GRHL2: variants seen among roughly 807,000 people sequenced by gnomAD.
The protein encoded by GRHL2 is grainyhead like transcription factor 2, also known as grainyhead-like protein 2 homolog.
A neutral mutation model predicts 83.8 loss-of-function variants in GRHL2; 21 were observed. The observed-to-expected ratio is 0.25, with a 90% CI of 0.18 to 0.36. The LOEUF is 0.36. Among genes scored for constraint, GRHL2 ranks in the 10% least tolerant of loss-of-function variants. The pLI is 1.00. For synonymous variants in GRHL2, 280 were observed against 278.9 expected (o/e 1.00, Z -0.04); for missense variants, 623 against 781.8 (o/e 0.80, Z 2.42).
chr8:101,537,554 T>C (rs949269467), intron 1 of GRHL2, among the ~76,000 whole-genome samples: 4 of 152,214 alleles, frequency 2.6e-5, no homozygotes, highest in African/African-American at 9.6e-5. Flanking sequence ...ACTACTACTA[T>C]CTAACTATTA....
At chr8:101,560,040 G>A (rs1265366171) in intron 4 of GRHL2, among the ~76,000 whole-genome samples, 1 of 152,074 alleles carries the variant, frequency 6.6e-6, no homozygotes, top group Non-Finnish European at 1.5e-5. Context: ...GAGTCTCACT[G>A]TGTGGCCCAG....
intron 1 of GRHL2, among the ~76,000 whole-genome samples, chr8:101,526,286 C>T (rs1257640908): frequency 6.6e-6 from 1 of 152,178 alleles, no homozygotes; most frequent in Non-Finnish European, 1.5e-5. Context: ...TTCTCTGTTA[C>T]ATTAAAATCT....
intron 2 of GRHL2, among the ~76,000 whole-genome samples, chr8:101,549,052 T>C (rs1811324233): frequency 6.6e-6 from 1 of 151,062 alleles, no homozygotes; most frequent in Non-Finnish European, 1.5e-5. Context: ...AAGGTAGGCA[T>C]AGAGACTGCC....
At chr8:101,498,938 G>C (rs763572013) in intron 1 of GRHL2, among the ~76,000 whole-genome samples, 24 of 152,112 alleles carry the variant, frequency 1.6e-4, no homozygotes, top group Non-Finnish European at 3.2e-4. Flanking sequence ...AGCCAGGCAT[G>C]GTGGCGGGCA....
chr8:101,637,144 C>G (rs149416825), intron 12 of GRHL2, among the ~76,000 whole-genome samples: 1 of 152,084 alleles, frequency 6.6e-6, no homozygotes, highest in Non-Finnish European at 1.5e-5. Flanking sequence ...TTTCCCCACC[C>G]GCTTCCTCCC....
intron 8 of GRHL2, among the ~76,000 whole-genome samples, chr8:101,600,501 G>A (rs1023680504): frequency 3.3e-5 from 5 of 152,170 alleles, no homozygotes; most frequent in African/African-American, 4.8e-5. Context: ...TCCCTGCCTA[G>A]TGCCTCCTTA....
In GRHL2 at chr8:101,616,709, C is replaced by A. The variant is rs982850642; in HGVS notation, c.1099-2830C>A. On this transcript the variant is annotated intron_variant, in intron 8 of 15. Coordinates refer to ENST00000646743, the MANE Select transcript of GRHL2 (RefSeq NM_024915.4). ...TGTACACACAACACAGAGGACCACC[C>A]TGTGTTGGTCACTGCTGGATCACTC... is the stretch of plus-strand genomic sequence containing the variant. 2.0e-5 allele frequency among the ~76,000 whole-genome samples: 3 copies of A among 152,278 alleles called. No individual in the cohort carries two copies. The East Asian group carries it at 5.8e-4, about 29-fold the overall frequency.
At position 101,666,608 on chromosome 8, in the gene GRHL2, G is replaced by A. The variant is rs769149147; in HGVS notation, c.1783G>A (p.Asp595Asn). Residue 595 changes from aspartate (D) to asparagine (N), a missense_variant, in exon 16 of 16, where the codon GAC becomes AAC. Asp to Asn is a conservative substitution (Grantham distance 23). Transcript: ENST00000646743. ...SKKGILVNMD[D>N]NIIEHYSNED... ...TGGCAGCATCTTGGTGAACATGGAT[G>A]ACAACATCATCGAGCACTACTCGAA... 3.7e-6 allele frequency: 6 copies of A among 1,610,934 alleles called. No individual in the cohort carries two copies. The African/African-American group carries it at 8.0e-5, about 22-fold the overall frequency.
chr8:101,592,734 C>T (rs897714442), intron 7 of GRHL2, among the ~76,000 whole-genome samples: 1 of 152,184 alleles, frequency 6.6e-6, no homozygotes, highest in Non-Finnish European at 1.5e-5. Flanking sequence ...AATTTGGAAA[C>T]ACTTGTTCTG....
At chr8:101,619,466 G>T in intron 8 of GRHL2, 73 bp from the exon 9 acceptor site, 3 of 1,389,600 alleles carry the variant, frequency 2.2e-6, no homozygotes, top group Non-Finnish European at 2.0e-6. Context: ...TTGACTTAAA[G>T]TCTAAAGTTT....
At chr8:101,505,543 C>T (rs2129985334) in intron 1 of GRHL2, among the ~76,000 whole-genome samples, 1 of 141,452 alleles carries the variant, frequency 7.1e-6, no homozygotes, top group Middle Eastern at 4.0e-3. Flanking sequence ...CACCACTGTA[C>T]TCCAGCCTGG....
rs1238320008 is a variant in GRHL2 at position 101,552,771 on chromosome 8, C to G, written c.273C>G (p.Asp91Glu). 14 of 1,613,888 alleles carry G rather than the reference C, an allele frequency of 8.7e-6. No individual in the cohort carries two copies. In the East Asian group the frequency reaches 2.9e-4, roughly 33 times the overall value. Residue 91 changes from aspartate (D) to glutamate (E), a missense_variant, in exon 3 of 16, where the codon GAC becomes GAG. By Grantham distance (45) the Asp-to-Glu change is conservative. This residue lies in a region of GRHL2 where 239 missense variants were observed against 240.5 expected (regional missense o/e 0.99). Transcript: ENST00000646743. The stretch of plus-strand genomic sequence containing the variant: ...GCAAAGCAAGTGACAGCCAAGAAGA[C>G]CAGGAGAAAAGGTAAAGGAATTTGC... ...SVSKASDSQEDQEKRNCLGTS... is the reference protein window; with the variant it reads ...SVSKASDSQEEQEKRNCLGTS...
chr8:101,562,282 C>T, intron 4 of GRHL2: 1 of 608,968 alleles, frequency 1.6e-6, no homozygotes, highest in South Asian at 1.6e-5. Context: ...TTTTCAAATT[C>T]AAATGAATTA....
intron 1 of GRHL2, among the ~76,000 whole-genome samples, chr8:101,529,944 T>C (rs1810889660): frequency 6.6e-6 from 1 of 152,198 alleles, no homozygotes; most frequent in Non-Finnish European, 1.5e-5. Context: ...GTTTTTTGTC[T>C]GTTGCCTTTG....
intron 9 of GRHL2, among the ~76,000 whole-genome samples, chr8:101,622,735 A>T (rs1812990257): frequency 6.6e-6 from 1 of 152,194 alleles, no homozygotes; most frequent in African/African-American, 2.4e-5. Context: ...GTATTTGGTT[A>T]CATGAGTAAG....
At chr8:101,514,471 C>T (rs683805) in intron 1 of GRHL2, among the ~76,000 whole-genome samples, 30,843 of 152,120 alleles carry the variant, frequency 0.2, 3,581 homozygotes, top group East Asian at 0.32. Context: ...AGCCCAAGGG[C>T]TGGAGAGGTA....
At chr8:101,562,245 T>C in intron 4 of GRHL2, 1 of 600,112 alleles carries the variant, frequency 1.7e-6, no homozygotes, top group Admixed American at 2.2e-5. Flanking sequence ...TAGCTCTCAC[T>C]GGTATTCGAT....
the GRHL2 span, among the ~76,000 whole-genome samples, chr8:101,677,068 G>C: frequency 0.024 from 3,631 of 152,060 alleles, 150 homozygotes; most frequent in African/African-American, 0.082. Context: ...TTGTGGGGTG[G>C]GGTGAGGGGG....
chr8:101,666,683 G>A lies in GRHL2; in HGVS notation c.1858G>A (p.Val620Ile), dbSNP rs1392685967. ...NMESMVEGFK[V>I]TLMEI ...GGAGAGCATGGTGGAGGGCTTCAAG[G>A]TCACGCTCATGGAAATCTAGCCCTG... is the stretch of plus-strand genomic sequence containing the variant. The change falls in exon 16 of 16, where the codon GTC becomes ATC. Residue 620 changes from valine (V) to isoleucine (I), a missense_variant. By Grantham distance (29) the Val-to-Ile change is conservative. Coordinates refer to ENST00000646743, the MANE Select transcript of GRHL2 (RefSeq NM_024915.4). 16 of 1,611,688 alleles carry A rather than the reference G, an allele frequency of 9.9e-6. No individual in the cohort carries two copies. Among genetic ancestry groups the A allele is most frequent in the Non-Finnish European group, 1.4e-5 (16 of 1,177,912 alleles).
Sources: allele counts gnomAD v4.1 joint callset (sites outside exome capture counted in the v4.1 genomes callset), GRCh38; gene constraint gnomAD v4.1.1; regional missense constraint gnomAD v4.1.1; transcripts MANE v1.5; gene names NCBI Gene and HGNC (gene_info 2026-07-23, HGNC 2026-07-21).